SH2B3: variants seen among roughly 807,000 people sequenced by gnomAD.
SH2B3 encodes the protein SH2B adapter protein 3.
In SH2B3, 43 loss-of-function variants were observed where a neutral mutation model predicts 51.9. The observed-to-expected ratio is 0.83, with a 90% CI of 0.65 to 1.07. The LOEUF is 1.07. SH2B3 is among the 50% of genes least tolerant of loss of function. The probability of loss-of-function intolerance (pLI) is 0.00; values close to 1 mark genes in which losing one functional copy is unlikely to be tolerated. For missense variants in SH2B3, 952 were observed against 834.3 expected, an observed-to-expected ratio of 1.14 and a Z score of -1.74; for synonymous variants, 396 against 376.0, an observed-to-expected ratio of 1.05 and a Z score of -0.62.
intron 2 of SH2B3, among the ~76,000 whole-genome samples, chr12:111,424,865 G>C (rs954578431): frequency 6.6e-6 from 1 of 152,230 alleles, no homozygotes; most frequent in Non-Finnish European, 1.5e-5. Flanking sequence ...GGAAAAGAAA[G>C]TTCTGACAAC....
chr12:111,405,764 G>T (rs1029498594), upstream of SH2B3, among the ~76,000 whole-genome samples: 1 of 152,100 alleles, frequency 6.6e-6, no homozygotes, highest in South Asian at 2.1e-4. This position sits in a 1 kb window ranked among gnomAD's most constrained non-coding sequence, Gnocchi z 5.4. Context: ...ATTGGTAGGC[G>T]GGGCCAGTCC....
At chr12:111,420,252 C>T (rs1410705506) in intron 2 of SH2B3, among the ~76,000 whole-genome samples, 3 of 151,284 alleles carry the variant, frequency 2.0e-5, no homozygotes, top group African/African-American at 7.3e-5. Context: ...CCTGTGGTCC[C>T]AGCTACTCTG....
rs182283538 is a variant in SH2B3 at position 111,415,379 on chromosome 12, C to T, written c.-27-2740C>T. Among the ~76,000 whole-genome samples the T allele has an allele frequency of 6.2e-4, 95 of 152,212 alleles. 1 individual carries two copies. Among genetic ancestry groups the T allele is most frequent in the Middle Eastern group, 3.4e-3 (1 of 292 alleles). ...CACAGAGGTCCCAACTGTTCTGCACCGTGGACAGCAGAGGGGTGGGGGGTC... is the reference window on the plus strand; with the variant it reads ...CACAGAGGTCCCAACTGTTCTGCACTGTGGACAGCAGAGGGGTGGGGGGTC... On this transcript the variant is annotated intron_variant, in intron 1 of 7. Coordinates refer to ENST00000341259, the MANE Select transcript of SH2B3 (RefSeq NM_005475.3).
At chr12:111,413,071 G>C (rs999568244) in intron 1 of SH2B3, among the ~76,000 whole-genome samples, 4 of 152,216 alleles carry the variant, frequency 2.6e-5, no homozygotes, top group Non-Finnish European at 5.9e-5. Context: ...TTTAGGCACT[G>C]ATCAGACATT....
chr12:111,447,739 C>T lies in SH2B3; in HGVS notation c.1320C>T (p.His440=). ...HFPSVVDMLH[H]FQRSPIPLEC... ...CCTCGGTCGTGGACATGCTCCACCA[C>T]TTCCAGCGCTCGCCCATCCCACTCG... is the stretch of plus-strand genomic sequence containing the variant. Residue 440 remains histidine (H), a synonymous_variant, in exon 7 of 8, where the codon CAC becomes CAT. Transcript: ENST00000341259. 3 of 1,614,164 alleles carry T rather than the reference C, an allele frequency of 1.9e-6. No individual in the cohort carries two copies. Among genetic ancestry groups the T allele is most frequent in the Non-Finnish European group, 2.5e-6 (3 of 1,180,030 alleles).
At position 111,446,999 on chromosome 12, in the gene SH2B3, T is replaced by A; in HGVS notation, c.892T>A (p.Trp298Arg). 6.2e-7 allele frequency: 1 copy of A among 1,614,084 alleles called. No individual in the cohort carries two copies. The highest frequency in any genetic ancestry group is 8.5e-7 in the Non-Finnish European group (1 of 1,179,990). The change falls in exon 4 of 8, where the codon TGG becomes AGG. Residue 298 changes from tryptophan (W) to arginine (R), a missense_variant. Trp to Arg is a moderately radical substitution (Grantham distance 101). Transcript: ENST00000341259. ...GGGAGACGAGCAGCAGCTGAATTCA[T>A]GGATGGCTGAGCTCTCGGAGTGCAC... Reference protein sequence around the residue: ...EVGDEQQLNSWMAELSECTGR... With the variant: ...EVGDEQQLNSRMAELSECTGR...
rs1397794949 is a variant in SH2B3, at chr12:111,410,390, A to C, written c.-28+4113A>C. Among the ~76,000 whole-genome samples the C allele has an allele frequency of 1.3e-5, 2 of 152,142 alleles. No homozygotes were observed. Among genetic ancestry groups the C allele is most frequent in the Non-Finnish European group, 2.9e-5 (2 of 67,982 alleles). ...TAGCACGTGGGGAGGAGGTTCACCC[A>C]CAGGCTGCCCTCCTAGGGTCTCCCC... On this transcript the variant is annotated intron_variant, in intron 1 of 7. Coordinates refer to ENST00000341259, the MANE Select transcript of SH2B3 (RefSeq NM_005475.3). The surrounding 1 kb of genome is among the most constrained non-coding windows in gnomAD (Gnocchi z 4.9).
At chr12:111,441,558 T>G (rs1204202693) in intron 2 of SH2B3, among the ~76,000 whole-genome samples, 2 of 152,088 alleles carry the variant, frequency 1.3e-5, no homozygotes, top group Admixed American at 1.3e-4. Context: ...GGCTCAGTCT[T>G]GATGCTGCCC....
intron 1 of SH2B3, among the ~76,000 whole-genome samples, chr12:111,416,211 G>A (rs1268796490): frequency 1.3e-5 from 2 of 152,120 alleles, no homozygotes; most frequent in African/African-American, 4.8e-5. Context: ...CAAAGTGCTG[G>A]GATTACAGGC....
At chr12:111,408,245 C>T (rs150645436) in intron 1 of SH2B3, among the ~76,000 whole-genome samples, 146 of 152,242 alleles carry the variant, frequency 9.6e-4, no homozygotes, top group African/African-American at 3.3e-3. Flanking sequence ...AATGGGTGTG[C>T]TAATAGTACC....
Position 111,449,158 on chromosome 12 carries a change from A to C in SH2B3, c.*856A>C, listed in dbSNP as rs1323735740. ...ACTGAAATAGGAGGGTGGCAAGAACAGTTCTATCCTGGTGCCTTACGAATA... is the reference window on the plus strand; with the variant it reads ...ACTGAAATAGGAGGGTGGCAAGAACCGTTCTATCCTGGTGCCTTACGAATA... On this transcript the variant is annotated 3_prime_UTR_variant, in exon 8 of 8. Transcript: ENST00000341259. 2 of 152,666 alleles carry C rather than the reference A, an allele frequency of 1.3e-5. No homozygotes were observed. Among genetic ancestry groups the C allele is most frequent in the Non-Finnish European group, 2.9e-5 (2 of 68,044 alleles). 9.5% of individuals were successfully genotyped at this position (152,666 alleles called of 1,614,324 possible).
At position 111,418,759 on chromosome 12, in the gene SH2B3, T is replaced by C; in HGVS notation, c.614T>C (p.Leu205Pro). 6.8e-6 allele frequency: 10 copies of C among 1,480,262 alleles called. No homozygotes were observed. Among genetic ancestry groups the C allele is most frequent in the Non-Finnish European group, 6.2e-6 (7 of 1,123,586 alleles). The allele number at this position is 1,480,262 out of a possible 1,614,324, so 91.7% of individuals were successfully genotyped here. A position where few individuals can be genotyped will look rare whatever the true frequency, so the allele number is the denominator to read the frequency against. Residue 205 changes from leucine to proline, a missense_variant, in exon 2 of 8, where the codon CTG (leucine) becomes CCG (proline). Physicochemically the swap from Leu to Pro is moderately conservative, Grantham distance 98 (BLOSUM62 -3). Transcript: ENST00000341259. The surrounding 1 kb of genome is among the most constrained non-coding windows in gnomAD (Gnocchi z 6.7). ...AAGGAGGCGGTGCTGCGCTACAGCC[T>C]GGCCGACGAGGCCTCCATGGACAGC... ...ALKEAVLRYSLADEASMDSGA... is the reference protein window; with the variant it reads ...ALKEAVLRYSPADEASMDSGA...
rs1398649397 is a variant in SH2B3, at chr12:111,418,680, G to A, written c.535G>A (p.Ala179Thr). The A allele has an allele frequency of 1.3e-6, 2 of 1,490,650 alleles. No homozygotes were observed. Among genetic ancestry groups the A allele is most frequent in the Admixed American group, 2.2e-5 (1 of 45,640 alleles). The allele number at this position is 1,490,650 out of a possible 1,614,324, so 92.3% of individuals were successfully genotyped here. ...AAETPARPGL[A>T]KKFLPWSLAR... ...TGAGACCCCCGCCCGGCCTGGCCTG[G>A]CCAAGAAGTTCCTGCCCTGGAGCCT... The change falls in exon 2 of 8, where the codon GCC becomes ACC. Residue 179 changes from alanine (A) to threonine (T), a missense_variant. Coordinates refer to ENST00000341259, the MANE Select transcript of SH2B3 (RefSeq NM_005475.3). This position sits in a 1 kb window ranked among gnomAD's most constrained non-coding sequence, Gnocchi z 6.7.
intron 2 of SH2B3, among the ~76,000 whole-genome samples, chr12:111,421,401 CTTTTTT>C (rs550860498): frequency 3.3e-5 from 3 of 90,616 alleles, no homozygotes; most frequent in East Asian, 7.0e-4. Context: ...TAGTGTCTTC[CTTTTTT>C]TTTTTTTTTT....
At position 111,448,316 on chromosome 12, in the gene SH2B3, C is replaced by A; in HGVS notation, c.*14C>A. The stretch of plus-strand genomic sequence containing the variant: ...ACACCTCTCTGACCAGTGAGGAATT[C>A]CAGGCCTCAACAGCTGCCCTTGAGG... On this transcript the variant is annotated 3_prime_UTR_variant, in exon 8 of 8. Transcript: ENST00000341259. The A allele has an allele frequency of 1.3e-6, 2 of 1,575,052 alleles. No individual in the cohort carries two copies. Among genetic ancestry groups the A allele is most frequent in the Non-Finnish European group, 1.7e-6 (2 of 1,150,332 alleles).
intron 2 of SH2B3, among the ~76,000 whole-genome samples, chr12:111,446,482 G>C (rs1873966015): frequency 1.3e-5 from 2 of 152,332 alleles, no homozygotes. Flanking sequence ...CAGACACATG[G>C]CAGAGTGGGA....
At chr12:111,426,984 G>A (rs568974772) in intron 2 of SH2B3, among the ~76,000 whole-genome samples, 1 of 152,282 alleles carries the variant, frequency 6.6e-6, no homozygotes, top group South Asian at 2.1e-4. Flanking sequence ...GGCCTGAGGT[G>A]TGCGTCTCAC....
chr12:111,411,573 G>A (rs904028162), intron 1 of SH2B3, among the ~76,000 whole-genome samples: 1 of 152,158 alleles, frequency 6.6e-6, no homozygotes, highest in Non-Finnish European at 1.5e-5. Flanking sequence ...GGTTCCCAGC[G>A]ATTCAAGGTC....
intron 7 of SH2B3, 52 bp downstream of exon 7, chr12:111,447,879 G>GT: frequency 6.3e-7 from 1 of 1,589,300 alleles, no homozygotes; most frequent in South Asian, 1.1e-5. Context: ...TGGGTAGAGG[G>GT]TAGAGGCTTG....
Sources: gnomAD v4.1 joint callset for allele counts (sites outside exome capture counted in the v4.1 genomes callset) on GRCh38, gnomAD v4.1.1 for gene constraint, Gnocchi (gnomAD v3.1) non-coding constraint, MANE v1.5 for transcripts, NCBI Gene and HGNC (gene_info 2026-07-23, HGNC 2026-07-21) for gene names.